Variants in SMC5 observed in about 807,000 individuals in gnomAD.
The protein encoded by SMC5 is structural maintenance of chromosomes 5.
SMC5 carries 88 observed loss-of-function variants against 148.3 expected under a neutral mutation model. That is an observed-to-expected ratio of 0.59 (90% CI 0.50 to 0.71). The LOEUF (loss-of-function observed/expected upper bound fraction) is 0.71. Ranked by LOEUF, SMC5 falls within the 30% of genes least tolerant of loss-of-function variation. The pLI is 0.00. For synonymous variants in SMC5, 421 were observed against 432.8 expected, an observed-to-expected ratio of 0.97 and a Z score of 0.34; for missense variants, 1,142 against 1,298.9, an observed-to-expected ratio of 0.88 and a Z score of 1.86.
chr9:70,344,799 T>C (rs905263693), intron 18 of SMC5: 1 of 152,022 alleles, frequency 6.6e-6, no homozygotes, highest in Non-Finnish European at 1.5e-5. Flanking sequence ...CTGTGACAAG[T>C]GGGGATGATA....
intron 11 of SMC5, among the ~76,000 whole-genome samples, chr9:70,308,639 C>T (rs1051966557): frequency 4.0e-5 from 6 of 150,086 alleles, no homozygotes; most frequent in African/African-American, 1.2e-4. Flanking sequence ...ATCTGTCCTA[C>T]CATGAAATTC....
In SMC5 at chr9:70,318,803, A is replaced by G. The variant is rs368735744; in HGVS notation, c.1990A>G (p.Arg664Gly). 5.4e-5 allele frequency: 84 copies of G among 1,563,200 alleles called. No individual in the cohort carries two copies. The highest frequency in any genetic ancestry group is 6.8e-5 in the Non-Finnish European group (79 of 1,162,656). ...TTTAAATATTTTATAGGAAATTCAT[A>G]GAAAATTGCAAGCAGTGGATTCAGG... is the stretch of plus-strand genomic sequence containing the variant. ...HLEEQLKEIH[R>G]KLQAVDSGLI... Residue 664 changes from arginine (R) to glycine (G), a missense_variant, in exon 15 of 25, where the codon AGA (arginine) becomes GGA (glycine). Around this residue, in one of 5 missense-constraint regions of SMC5, gnomAD observed 743 missense variants for 835.7 expected, o/e 0.89. Coordinates refer to ENST00000361138, the MANE Select transcript of SMC5 (RefSeq NM_015110.4).
intron 7 of SMC5, among the ~76,000 whole-genome samples, chr9:70,284,290 C>T (rs7035806): frequency 2.4e-4 from 37 of 152,264 alleles, no homozygotes; most frequent in African/African-American, 7.7e-4. Flanking sequence ...AGATCTGATT[C>T]TGAAAAAGCG....
chr9:70,346,959 A>T, intron 19 of SMC5, 107 bp from the exon 20 acceptor site: 1 of 803,580 alleles, frequency 1.2e-6, no homozygotes, highest in South Asian at 1.8e-5. Context: ...GTGTGCCAGC[A>T]TGCTGTTGAA....
At chr9:70,351,269 G>A (rs990409163) in intron 24 of SMC5, among the ~76,000 whole-genome samples, 3 of 151,760 alleles carry the variant, frequency 2.0e-5, no homozygotes, top group African/African-American at 4.8e-5. Context: ...CATGAGGATC[G>A]CTTGAGTCTG....
At chr9:70,313,049 T>C (rs1328159283) in intron 11 of SMC5, among the ~76,000 whole-genome samples, 1 of 152,222 alleles carries the variant, frequency 6.6e-6, no homozygotes, top group Non-Finnish European at 1.5e-5. Flanking sequence ...ATTTTTATAG[T>C]AAATTGAGTT....
At chr9:70,284,551 T>C (rs561371205) in intron 7 of SMC5, among the ~76,000 whole-genome samples, 6 of 152,304 alleles carry the variant, frequency 3.9e-5, no homozygotes, top group Non-Finnish European at 8.8e-5. Flanking sequence ...GTGGAAAATA[T>C]GTACATAATA....
intron 6 of SMC5, 82 bp from the exon 7 acceptor site, chr9:70,282,340 G>A: frequency 1.5e-6 from 2 of 1,372,714 alleles, no homozygotes; most frequent in South Asian, 3.3e-5. Flanking sequence ...CTTACATTTG[G>A]TTTCTGCCTG....
In SMC5 at chr9:70,278,576, A is replaced by G. The variant is rs532380112; in HGVS notation, c.629A>G (p.Lys210Arg). The G allele has an allele frequency of 2.7e-5, 44 of 1,612,064 alleles. No individual in the cohort carries two copies. Among genetic ancestry groups the G allele is most frequent in the African/African-American group, 1.5e-4 (11 of 74,884 alleles). The change falls in exon 5 of 25, where the codon AAA (lysine) becomes AGA (arginine). Residue 210 changes from lysine to arginine, a missense_variant. Physicochemically the swap from Lys to Arg is conservative, Grantham distance 26. This residue lies in a region of SMC5 where 297 missense variants were observed against 302.6 expected (regional missense o/e 0.98). Transcript: ENST00000361138. ...TCAATTGGTCCCCCAGAAATGCACAAATATCACTGTGAACTCAAAAACTTA... is the reference window on the plus strand; with the variant it reads ...TCAATTGGTCCCCCAGAAATGCACAGATATCACTGTGAACTCAAAAACTTA... ...EKSIGPPEMHKYHCELKNLRE... is the reference protein window; with the variant it reads ...EKSIGPPEMHRYHCELKNLRE...
intron 17 of SMC5, among the ~76,000 whole-genome samples, chr9:70,343,343 T>G (rs942341254): frequency 6.6e-6 from 1 of 152,168 alleles, no homozygotes; most frequent in African/African-American, 2.4e-5. Flanking sequence ...ATTATAATAC[T>G]GGCATTTAAT....
At chr9:70,275,798 G>A (rs1180112) in intron 3 of SMC5, among the ~76,000 whole-genome samples, 32,204 of 151,610 alleles carry the variant, frequency 0.21, 3,550 homozygotes, top group South Asian at 0.28. Context: ...TTAAACCTAC[G>A]GTTTGGTGTC....
intron 10 of SMC5, among the ~76,000 whole-genome samples, chr9:70,302,122 A>G (rs963539626): frequency 2.0e-5 from 3 of 152,176 alleles, no homozygotes; most frequent in Admixed American, 6.5e-5. Flanking sequence ...CCTGTAATCC[A>G]GCATTTTGGG....
Position 70,333,482 on chromosome 9 carries a change from A to G in SMC5, c.2397+9339A>G, listed in dbSNP as rs564324546. Among the ~76,000 whole-genome samples the G allele has an allele frequency of 4.6e-5, 7 of 152,086 alleles. 1 individual carries two copies. Among genetic ancestry groups the G allele is most frequent in the Middle Eastern group, 3.4e-3 (1 of 294 alleles). ...GATAAAACCCTGTCATTAAAAAGAAAGGCTTTGGGAGGCCGAGGTGGCCAG... is the reference window on the plus strand; with the variant it reads ...GATAAAACCCTGTCATTAAAAAGAAGGGCTTTGGGAGGCCGAGGTGGCCAG... On this transcript the variant is annotated intron_variant, in intron 17 of 24. Coordinates refer to ENST00000361138, the MANE Select transcript of SMC5 (RefSeq NM_015110.4).
intron 11 of SMC5, chr9:70,311,499 T>C (rs1015996837): frequency 1.3e-5 from 2 of 152,158 alleles, no homozygotes; most frequent in Non-Finnish European, 2.9e-5. Context: ...TACCAAAATA[T>C]GACACAGAGA....
At position 70,344,256 on chromosome 9, in the gene SMC5, A is replaced by G; in HGVS notation, c.2510A>G (p.Gln837Arg). 6.8e-7 allele frequency: 1 copy of G among 1,463,490 alleles called. No homozygotes were observed. Among genetic ancestry groups the G allele is most frequent in the Non-Finnish European group, 9.1e-7 (1 of 1,103,492 alleles). The allele number at this position is 1,463,490 out of a possible 1,614,324, so 90.7% of individuals were successfully genotyped here. A position where few individuals can be genotyped will look rare whatever the true frequency, so the allele number is the denominator to read the frequency against. The change falls in exon 18 of 25, where the codon CAA becomes CGA. Residue 837 changes from glutamine to arginine, a missense_variant. Around this residue, in one of 5 missense-constraint regions of SMC5, gnomAD observed 743 missense variants for 835.7 expected, o/e 0.89. Coordinates refer to ENST00000361138, the MANE Select transcript of SMC5 (RefSeq NM_015110.4). ...CTGGGTGCAGAGCAGACTCTTCCTCAAGAATACCAGACAGTAAGTATAAAA... is the reference window on the plus strand; with the variant it reads ...CTGGGTGCAGAGCAGACTCTTCCTCGAGAATACCAGACAGTAAGTATAAAA... ...CNLGAEQTLP[Q>R]EYQTQVPTIP...
rs1310778146 is a variant in SMC5, at chr9:70,352,689, T to C, written c.*358T>C. 1 of 169,538 alleles carries C rather than the reference T, an allele frequency of 5.9e-6. No homozygotes were observed. Among genetic ancestry groups the C allele is most frequent in the Non-Finnish European group, 1.3e-5 (1 of 78,818 alleles). 10.5% of individuals were successfully genotyped at this position (169,538 alleles called of 1,614,324 possible). A position where few individuals can be genotyped will look rare whatever the true frequency, so the allele number is the denominator to read the frequency against. On this transcript the variant is annotated 3_prime_UTR_variant, in exon 25 of 25. Transcript: ENST00000361138. ...CCCTGAGCTTTAATTGCAGAGTAAC[T>C]TTAATTACTTTTAGAGCCTAAAGAT... is the stretch of plus-strand genomic sequence containing the variant.
chr9:70,350,459 C>A lies in SMC5; in HGVS notation c.3153C>A (p.Phe1051Leu), dbSNP rs774331529. 1.1e-5 allele frequency: 17 copies of A among 1,593,484 alleles called. No homozygotes were observed. The highest frequency in any genetic ancestry group is 1.4e-5 in the Non-Finnish European group (16 of 1,172,340). The change falls in exon 24 of 25, where the codon TTC becomes TTA. Residue 1051 changes from phenylalanine to leucine, a missense_variant. By Grantham distance (22) the Phe-to-Leu change is conservative (BLOSUM62 0). Transcript: ENST00000361138. ...ACKENTSQYF[F>L]ITPKLLQNLP... ...AAGAAAATACATCTCAATACTTTTTCATAACACCAAAGGTAGGTAAAAAGT... is the reference window on the plus strand; with the variant it reads ...AAGAAAATACATCTCAATACTTTTTAATAACACCAAAGGTAGGTAAAAAGT...
intron 17 of SMC5, among the ~76,000 whole-genome samples, chr9:70,331,211 T>G (rs1258464387): frequency 6.6e-6 from 1 of 152,322 alleles, no homozygotes; most frequent in African/African-American, 2.4e-5. Context: ...CTTAGTTGCT[T>G]TAGCCACATT....
At position 70,277,334 on chromosome 9, in the gene SMC5, A is replaced by G; in HGVS notation, c.405A>G (p.Val135=). The change falls in exon 4 of 25, where the codon GTA becomes GTG. Residue 135 remains valine, a synonymous_variant. Coordinates refer to ENST00000361138, the MANE Select transcript of SMC5 (RefSeq NM_015110.4). ...IELFRASGNL[V]ITREIDVAKN... Reference sequence around the variant, plus strand: ...GGTTCAGGGCTTCTGGAAATCTTGTAATCACCCGTGAGATTGATGTGGCAA... The same window carrying G: ...GGTTCAGGGCTTCTGGAAATCTTGTGATCACCCGTGAGATTGATGTGGCAA... 2 of 1,576,832 alleles carry G rather than the reference A, an allele frequency of 1.3e-6. No individual in the cohort carries two copies. The highest frequency in any genetic ancestry group is 1.7e-6 in the Non-Finnish European group (2 of 1,163,654).
Sources: allele counts gnomAD v4.1 joint callset (sites outside exome capture counted in the v4.1 genomes callset), GRCh38; gene constraint gnomAD v4.1.1; regional missense constraint gnomAD v4.1.1; transcripts MANE v1.5; gene names NCBI Gene and HGNC (gene_info 2026-07-23, HGNC 2026-07-21).